IDI1: variants seen among roughly 807,000 people sequenced by gnomAD.
IDI1 encodes isopentenyl-diphosphate delta isomerase 1.
A neutral mutation model predicts 32.9 loss-of-function variants in IDI1; 23 were observed. The observed-to-expected ratio is 0.70, with a 90% CI of 0.50 to 0.99. IDI1 has a LOEUF of 0.99. IDI1 is among the 50% of genes least tolerant of loss of function. The pLI is 0.00. For synonymous variants in IDI1, 133 were observed against 128.2 expected (o/e 1.04, Z -0.25); for missense variants, 326 against 351.9 (o/e 0.93, Z 0.59).
At chr10:1,053,350 T>C (rs1433048467), upstream of IDI1, among the ~76,000 whole-genome samples, 3 of 152,196 alleles carry the variant, frequency 2.0e-5, no homozygotes, top group Non-Finnish European at 4.4e-5. Flanking sequence ...TTCAACCTCA[T>C]GAACCAACCT....
intron 4 of IDI1, among the ~76,000 whole-genome samples, chr10:1,041,773 C>T (rs114264431): frequency 0.044 from 6,477 of 148,166 alleles, 475 homozygotes; most frequent in African/African-American, 0.15. Flanking sequence ...AAGGGGCAGT[C>T]ACTCAAACTA....
At position 1,048,953 on chromosome 10, in the gene IDI1, C is replaced by A. The variant is rs758515545; in HGVS notation, c.51G>T (p.Gly17=). The change falls in exon 1 of 5, where the codon GGG becomes GGT. Residue 17 remains glycine (G), a synonymous_variant. Coordinates refer to ENST00000381344, the MANE Select transcript of IDI1 (RefSeq NM_004508.4). ...LARAIGCAAR[G]RGQWAVRAAD... ...CGGCGCGCACCGCCCACTGGCCCCGCCCCCGGGCCGCGCAGCCAATCGCTC... is the reference window on the plus strand; with the variant it reads ...CGGCGCGCACCGCCCACTGGCCCCGACCCCGGGCCGCGCAGCCAATCGCTC... The A allele has an allele frequency of 2.6e-6, 4 of 1,564,974 alleles. No homozygotes were observed. Among genetic ancestry groups the A allele is most frequent in the East Asian group, 4.8e-5 (2 of 41,708 alleles).
Position 1,040,919 on chromosome 10 carries a change from G to C in IDI1, c.*268C>G, listed in dbSNP as rs1832556386. The C allele has an allele frequency of 1.2e-5, 4 of 322,052 alleles. No individual in the cohort carries two copies. The South Asian group carries it at 2.1e-4, about 17-fold the overall frequency. The allele number at this position is 322,052 out of a possible 1,614,324, so 19.9% of individuals were successfully genotyped here. On this transcript the variant is annotated 3_prime_UTR_variant, in exon 5 of 5. Transcript: ENST00000381344. ...TATGTATCTGCAAAGATTAAATTAA[G>C]TTTTATTTGCTCGCTCTCATTTTAC...
In IDI1 at chr10:1,043,466, C is replaced by G. The variant is rs112257270; in HGVS notation, c.314-73G>C. The G allele has an allele frequency of 3.2e-5, 29 of 894,536 alleles. No individual in the cohort carries two copies. The African/African-American group carries it at 3.3e-4, about 10-fold the overall frequency. The allele number at this position is 894,536 out of a possible 1,614,324, so 55.4% of individuals were successfully genotyped here. Reference sequence around the variant, plus strand: ...TTTGCCAAATTCTCTCCCTGCAGTTCAGAATAACATTAGTAACTTGCTGCT... The same window carrying G: ...TTTGCCAAATTCTCTCCCTGCAGTTGAGAATAACATTAGTAACTTGCTGCT... On this transcript the variant is annotated intron_variant, in intron 2 of 4. Coordinates refer to ENST00000381344, the MANE Select transcript of IDI1 (RefSeq NM_004508.4).
chr10:1,056,000 G>A, the IDI1 span, among the ~76,000 whole-genome samples: 1 of 152,118 alleles, frequency 6.6e-6, no homozygotes, highest in African/African-American at 2.4e-5. Flanking sequence ...GTAAAGACAG[G>A]GTTTCACCAT....
At chr10:1,055,942 G>T in the IDI1 span, among the ~76,000 whole-genome samples, 10,512 of 152,172 alleles carry the variant, frequency 0.069, 485 homozygotes, top group East Asian at 0.13. Context: ...CCGAGTAGCA[G>T]GGGTTACAGG....
chr10:1,041,941 G>A (rs1832608421), intron 4 of IDI1, among the ~76,000 whole-genome samples: 1 of 151,756 alleles, frequency 6.6e-6, no homozygotes, highest in South Asian at 2.1e-4. Context: ...GAGTAGCTGG[G>A]ATTACAGACG....
upstream of IDI1, among the ~76,000 whole-genome samples, chr10:1,053,124 C>T (rs1833056781): frequency 3.3e-5 from 5 of 152,126 alleles, no homozygotes; most frequent in Admixed American, 3.3e-4. Flanking sequence ...GCCTTAGCCT[C>T]CTGAGTAGCT....
At chr10:1,048,624 C>T (rs936227422) in intron 1 of IDI1, 10 of 1,405,376 alleles carry the variant, frequency 7.1e-6, no homozygotes, top group Non-Finnish European at 9.2e-6. Flanking sequence ...AGAATGGCAA[C>T]GTCTCTGACG....
upstream of IDI1, among the ~76,000 whole-genome samples, chr10:1,050,992 G>A (rs7100196): frequency 0.061 from 9,335 of 152,200 alleles, 500 homozygotes; most frequent in African/African-American, 0.15. Flanking sequence ...CCCAAAACAC[G>A]AGTGGTGGAT....
chr10:1,048,318 T>C (rs1832862915), intron 1 of IDI1: 1 of 1,304,524 alleles, frequency 7.7e-7, no homozygotes, highest in Non-Finnish European at 1.0e-6. Flanking sequence ...TCTAGTTCCA[T>C]CTATGCGATG....
upstream of IDI1, among the ~76,000 whole-genome samples, chr10:1,050,089 T>A (rs1832959118): frequency 1.3e-5 from 2 of 152,256 alleles, no homozygotes; most frequent in South Asian, 4.1e-4. Flanking sequence ...AACTTCTTGG[T>A]CACAGGACGC....
In IDI1 at chr10:1,048,928, C is replaced by A. The variant is rs989626920; in HGVS notation, c.76G>T (p.Ala26Ser). 1 of 1,594,014 alleles carries A rather than the reference C, an allele frequency of 6.3e-7. No homozygotes were observed. The highest frequency in any genetic ancestry group is 8.5e-7 in the Non-Finnish European group (1 of 1,173,064). Residue 26 changes from alanine (A) to serine (S), a missense_variant, in exon 1 of 5, where the codon GCA becomes TCA. By Grantham distance (99) the Ala-to-Ser change is moderately conservative. Transcript: ENST00000381344. ...RGRGQWAVRA[A>S]DCAQSGRHPG... ...TGGCGCCCGCTTTGAGCACAGTCTG[C>A]GGCGCGCACCGCCCACTGGCCCCGC...
intron 1 of IDI1, 196 bp downstream of exon 1, chr10:1,048,668 G>A (rs1160222124): frequency 1.8e-5 from 25 of 1,410,174 alleles, no homozygotes; most frequent in Non-Finnish European, 2.3e-5. Flanking sequence ...CACGGGGCGC[G>A]GGCGCCCACC....
the IDI1 span, among the ~76,000 whole-genome samples, chr10:1,055,645 G>T: frequency 6.6e-6 from 1 of 151,514 alleles, no homozygotes; most frequent in Admixed American, 6.6e-5. Flanking sequence ...TTTCCTTGGC[G>T]TTCCTCTTAC....
upstream of IDI1, among the ~76,000 whole-genome samples, chr10:1,052,654 C>T (rs1273966746): frequency 1.3e-5 from 2 of 152,124 alleles, no homozygotes; most frequent in Admixed American, 6.5e-5. Context: ...TAGTAAACCA[C>T]ACTGTGTAAG....
upstream of IDI1, among the ~76,000 whole-genome samples, chr10:1,050,327 A>G (rs888804153): frequency 6.6e-6 from 1 of 152,226 alleles, no homozygotes; most frequent in Non-Finnish European, 1.5e-5. Flanking sequence ...TCACACAGAT[A>G]AGAAAATCTG....
At chr10:1,049,529 C>T (rs578161522), upstream of IDI1, 3 of 151,366 alleles carry the variant, frequency 2.0e-5, no homozygotes, top group South Asian at 2.8e-4. Context: ...GGGGAGTTCT[C>T]GTATGTCTAG....
chr10:1,053,894 G>A (rs1833076730), upstream of IDI1, among the ~76,000 whole-genome samples: 1 of 152,040 alleles, frequency 6.6e-6, no homozygotes, highest in African/African-American at 2.4e-5. Context: ...CACCATGCCT[G>A]GCCCCTAATT....
Sources: allele counts gnomAD v4.1 joint callset (sites outside exome capture counted in the v4.1 genomes callset), GRCh38; gene constraint gnomAD v4.1.1; transcripts MANE v1.5; gene names NCBI Gene and HGNC (gene_info 2026-07-23, HGNC 2026-07-21).